The following FES variants were observed in gnomAD, a reference collection of about 807,000 sequenced individuals.
FES encodes the protein tyrosine-protein kinase Fes/Fps.
In FES, 83 loss-of-function variants were observed where a neutral mutation model predicts 109.6. The ratio of observed to expected loss-of-function variants is 0.76; its 90% CI spans 0.63 to 0.91. The LOEUF (loss-of-function observed/expected upper bound fraction) is 0.91. FES is among the 40% of genes least tolerant of loss of function. The pLI is 0.00. For missense variants in FES, 943 were observed against 1,070.9 expected, an observed-to-expected ratio of 0.88 and a Z score of 1.67; for synonymous variants, 458 against 442.1, an observed-to-expected ratio of 1.04 and a Z score of -0.45.
Position 90,885,224 on chromosome 15 carries a change from G to A in FES, c.179G>A (p.Ser60Asn), listed in dbSNP as rs1376980248. ...TCCCTGCAGGACAGTGGGGGCCAGAGCCGGGCCATCAGCCCTGACAGCCCC... is the reference window on the plus strand; with the variant it reads ...TCCCTGCAGGACAGTGGGGGCCAGAACCGGGCCATCAGCCCTGACAGCCCC... ...HMSLQDSGGQ[S>N]RAISPDSPIS... is the part of the protein sequence containing the mutation. Residue 60 changes from serine to asparagine, a missense_variant, in exon 2 of 19, where the codon AGC (serine) becomes AAC (asparagine). Transcript: ENST00000328850. 6.2e-7 allele frequency: 1 copy of A among 1,613,418 alleles called. No individual in the cohort carries two copies. The highest frequency in any genetic ancestry group is 8.5e-7 in the Non-Finnish European group (1 of 1,179,976).
intron 11 of FES, 30 bp downstream of exon 11, chr15:90,891,221 G>A (rs901339449): frequency 2.6e-6 from 4 of 1,545,050 alleles, no homozygotes; most frequent in Non-Finnish European, 2.6e-6. Context: ...GAGCCTTCCA[G>A]GCCTCACTCT....
Position 90,891,942 on chromosome 15 carries a change from G to A in FES, c.1654-116G>A, listed in dbSNP as rs2677734. On this transcript the variant is annotated intron_variant, in intron 12 of 18. Transcript: ENST00000328850. The stretch of plus-strand genomic sequence containing the variant: ...GTAGTCATCTCAGTGTGCTCCCCAC[G>A]TGGTCCCACCCCTGGTCACATATGG... The A allele has an allele frequency of 0.023, 27,264 of 1,179,438 alleles. 3,760 individuals are homozygous for A. In the African/African-American group the frequency reaches 0.33, roughly 14 times the overall value. 73.1% of individuals were successfully genotyped at this position (1,179,438 alleles called of 1,614,324 possible).
chr15:90,890,305 C>T, intron 9 of FES, 27 bp downstream of exon 9: 1 of 1,586,446 alleles, frequency 6.3e-7, no homozygotes, highest in Non-Finnish European at 8.6e-7. Context: ...GCGGCCGCTG[C>T]CCGCCACCGG....
chr15:90,891,276 G>T lies in FES; in HGVS notation c.1530+85G>T, dbSNP rs753716736. On this transcript the variant is annotated intron_variant, in intron 11 of 18. Transcript: ENST00000328850. ...CAAGGGAAATGGCCTTTCAGGGTAG[G>T]GGGTAGCTGCCAGGTCTTGGATGCC... The T allele has an allele frequency of 6.8e-6, 10 of 1,474,114 alleles. 1 individual carries two copies. The highest frequency in any genetic ancestry group is 3.7e-5 in the South Asian group (3 of 80,938). The allele number at this position is 1,474,114 out of a possible 1,614,324, so 91.3% of individuals were successfully genotyped here.
In FES at chr15:90,893,868, C is replaced by T. The variant is rs1042392752; in HGVS notation, c.2203+57C>T. On this transcript the variant is annotated intron_variant, in intron 17 of 18. Transcript: ENST00000328850. ...GGCCAGAGGCCAGGCCTGGGTCCTG[C>T]CGGCTGCCTCGCCCTGGCCCCAGGG... 1.6e-5 allele frequency: 26 copies of T among 1,605,600 alleles called. No homozygotes were observed. The East Asian group carries it at 5.4e-4, about 33-fold the overall frequency.
chr15:90,888,306 ATG>A (rs1480638598), intron 5 of FES, among the ~76,000 whole-genome samples: 1 of 152,180 alleles, frequency 6.6e-6, no homozygotes, highest in African/African-American at 2.4e-5. Flanking sequence ...GGGTTTCACC[ATG>A]TTGCCCAGGC....
intron 3 of FES, among the ~76,000 whole-genome samples, chr15:90,886,477 C>T (rs2032638794): frequency 6.6e-6 from 1 of 152,200 alleles, no homozygotes; most frequent in Non-Finnish European, 1.5e-5. Flanking sequence ...CATATCCCAG[C>T]ACATAAACAG....
At position 90,889,646 on chromosome 15, in the gene FES, G is replaced by A; in HGVS notation, c.926+10G>A. 1.9e-6 allele frequency: 3 copies of A among 1,612,504 alleles called. No homozygotes were observed. The highest frequency in any genetic ancestry group is 2.5e-6 in the Non-Finnish European group (3 of 1,179,976). ...AGAGCGTGCAGCACACGTGGGTGGT[G>A]GCTTTGCACCTGGGCTGCGGCGGGG... is the stretch of plus-strand genomic sequence containing the variant. On this transcript the variant is annotated intron_variant, in intron 7 of 18. Coordinates refer to ENST00000328850, the MANE Select transcript of FES (RefSeq NM_002005.4). The surrounding 1 kb of genome is among the most constrained non-coding windows in gnomAD (Gnocchi z 6.1).
In FES at chr15:90,885,146, T is replaced by G. The variant is rs760838551; in HGVS notation, c.101T>G (p.Met34Arg). The part of the protein sequence containing the change: ...LRLLEGMRKW[M>R]AQRVKSDREY... ...CTACTGGAGGGCATGAGAAAGTGGA[T>G]GGCCCAGCGGGTCAAGAGTGACAGG... is the stretch of plus-strand genomic sequence containing the variant. The change falls in exon 2 of 19, where the codon ATG (methionine) becomes AGG (arginine). Residue 34 changes from methionine (M) to arginine (R), a missense_variant. Met to Arg is a moderately conservative substitution (Grantham distance 91). Transcript: ENST00000328850. 1 of 1,613,966 alleles carries G rather than the reference T, an allele frequency of 6.2e-7. No homozygotes were observed. The highest frequency in any genetic ancestry group is 1.1e-5 in the South Asian group (1 of 91,090).
rs370697211 is a variant in FES, at chr15:90,891,535, C to T, written c.1531-19C>T. The T allele has an allele frequency of 5.1e-5, 83 of 1,613,068 alleles. No homozygotes were observed. Among genetic ancestry groups the T allele is most frequent in the African/African-American group, 3.3e-4 (25 of 74,934 alleles). ...CCCTCAGAATGGAGGCTGCTGACCC[C>T]GGGTCCCCTGCCCTGCAGAACCTGT... On this transcript the variant is annotated intron_variant, in intron 11 of 18. Coordinates refer to ENST00000328850, the MANE Select transcript of FES (RefSeq NM_002005.4).
chr15:90,892,209 T>G lies in FES; in HGVS notation c.1707+98T>G. 7.3e-6 allele frequency: 10 copies of G among 1,361,676 alleles called. No homozygotes were observed. The South Asian group carries it at 1.2e-4, about 16-fold the overall frequency. 84.3% of individuals were successfully genotyped at this position (1,361,676 alleles called of 1,614,324 possible). On this transcript the variant is annotated intron_variant, in intron 13 of 18. Transcript: ENST00000328850. ...CACCCAGAGACCTCCCTGCCCCATCTGATTCCCCACTTGTACCCCGACTCC... is the reference window on the plus strand; with the variant it reads ...CACCCAGAGACCTCCCTGCCCCATCGGATTCCCCACTTGTACCCCGACTCC...
rs145079846 is a variant in FES, at chr15:90,885,524, G to A, written c.326G>A (p.Arg109Gln). The change falls in exon 3 of 19, where the codon CGG becomes CAG. Residue 109 changes from arginine to glutamine, a missense_variant. By Grantham distance (43) the Arg-to-Gln change is conservative. Transcript: ENST00000328850. Reference sequence around the variant, plus strand: ...AAGCTGAGCCTGCTCATCCGGGAACGGCAGCAGCTTCGCAAGACCTACAGC... The same window carrying A: ...AAGCTGAGCCTGCTCATCCGGGAACAGCAGCAGCTTCGCAAGACCTACAGC... ...LSKLSLLIRERQQLRKTYSEQ... is the reference protein window; with the variant it reads ...LSKLSLLIREQQQLRKTYSEQ... The A allele has an allele frequency of 2.0e-5, 33 of 1,613,168 alleles. No homozygotes were observed. The highest frequency in any genetic ancestry group is 2.7e-5 in the African/African-American group (2 of 74,946).
At position 90,891,670 on chromosome 15, in the gene FES, G is replaced by C. The variant is rs1248968997; in HGVS notation, c.1647G>C (p.Val549=). 2 of 1,613,724 alleles carry C rather than the reference G, an allele frequency of 1.2e-6. No individual in the cohort carries two copies. Among genetic ancestry groups the C allele is most frequent in the South Asian group, 2.2e-5 (2 of 91,088 alleles). The change falls in exon 12 of 19, where the codon GTG becomes GTC. Residue 549 remains valine, a synonymous_variant. Transcript: ENST00000328850. ...GTGGTGTTGTCCTGCACAGGGCTGT[G>C]CCCAAGGTGAGCCTGCACCCAGCCT... ...KKSGVVLHRA[V]PKDKWVLNHE...
In FES at chr15:90,893,226, C is replaced by T. The variant is rs377254315; in HGVS notation, c.1921+32C>T. 178 of 1,613,178 alleles carry T rather than the reference C, an allele frequency of 1.1e-4. No homozygotes were observed. In the African/African-American group the frequency reaches 1.1e-3, roughly 10 times the overall value. On this transcript the variant is annotated intron_variant, in intron 15 of 18. Coordinates refer to ENST00000328850, the MANE Select transcript of FES (RefSeq NM_002005.4). ...GCGGGGCGCTGAGCTCCAGGTAGGG[C>T]GCGCAGCCTGGTCAGGTGGCAGCCT...
rs2229074 is a variant in FES, at chr15:90,891,047, C to T, written c.1386C>T (p.His462=). ...QKPLHEQLWY[H]GAIPRAEVAE... ...CCCTGCATGAGCAGCTGTGGTACCA[C>T]GGGGCCATCCCGAGGGCAGAGGTGG... The change falls in exon 11 of 19, where the codon CAC becomes CAT. Residue 462 remains histidine (H), a synonymous_variant. Coordinates refer to ENST00000328850, the MANE Select transcript of FES (RefSeq NM_002005.4). 0.01 allele frequency: 16,210 copies of T among 1,598,896 alleles called. 1,319 individuals are homozygous for T. The African/African-American group carries it at 0.18, about 18-fold the overall frequency.
rs2032493950 is a variant in FES at position 90,885,418 on chromosome 15, G to A, written c.220G>A (p.Ala74Thr). Residue 74 changes from alanine to threonine, a missense_variant, in exon 3 of 19, where the codon GCT becomes ACT. Transcript: ENST00000328850. The part of the protein sequence containing the change: ...SPDSPISQSW[A>T]EITSQTEGLS... The stretch of plus-strand genomic sequence containing the variant: ...CCCCATCTGTGCTGTATAGTCCTGG[G>A]CTGAGATCACCAGCCAAACTGAGGG... The A allele has an allele frequency of 6.2e-7, 1 of 1,612,312 alleles. No individual in the cohort carries two copies. The highest frequency in any genetic ancestry group is 1.3e-5 in the African/African-American group (1 of 74,932).
chr15:90,891,214 C>A (rs569901538), intron 11 of FES, 23 bp downstream of exon 11: 2 of 1,546,550 alleles, frequency 1.3e-6, no homozygotes, highest in South Asian at 2.4e-5. Flanking sequence ...GGGACCCGAG[C>A]CTTCCAGGCC....
intron 3 of FES, among the ~76,000 whole-genome samples, chr15:90,885,789 T>C (rs1379628736): frequency 6.6e-6 from 1 of 152,220 alleles, no homozygotes; most frequent in African/African-American, 2.4e-5. Flanking sequence ...GTGCTTTTTC[T>C]GTGCCTGGGC....
In FES at chr15:90,890,448, G is replaced by A. The variant is rs759230524; in HGVS notation, c.1284G>A (p.Lys428=). 1 of 1,613,264 alleles carries A rather than the reference G, an allele frequency of 6.2e-7. No individual in the cohort carries two copies. The highest frequency in any genetic ancestry group is 8.5e-7 in the Non-Finnish European group (1 of 1,179,918). Residue 428 remains lysine, a synonymous_variant, in exon 10 of 19, where the codon AAG becomes AAA. Coordinates refer to ENST00000328850, the MANE Select transcript of FES (RefSeq NM_002005.4). The stretch of plus-strand genomic sequence containing the variant: ...GGACACCCACGCTGGAGATCCTTAA[G>A]AGCCACATCTCAGGAATCTTCCGCC... ...GGRTPTLEIL[K]SHISGIFRPK...
Sources: allele counts gnomAD v4.1 joint callset (sites outside exome capture counted in the v4.1 genomes callset), GRCh38; gene constraint gnomAD v4.1.1; non-coding constraint Gnocchi (gnomAD v3.1); transcripts MANE v1.5; gene names NCBI Gene and HGNC (gene_info 2026-07-23, HGNC 2026-07-21).